Variants in RARB observed in about 807,000 individuals in gnomAD.
The protein encoded by RARB is retinoic acid receptor beta.
RARB carries 17 observed loss-of-function variants against 51.9 expected under a neutral mutation model. The ratio of observed to expected loss-of-function variants is 0.33; its 90% CI spans 0.22 to 0.49. RARB has a LOEUF of 0.49. RARB is among the 20% of genes least tolerant of loss of function. The probability of loss-of-function intolerance (pLI) is 0.99; values close to 1 mark genes in which losing one functional copy is unlikely to be tolerated. For synonymous variants in RARB, 215 were observed against 195.4 expected (o/e 1.10, Z -0.84); for missense variants, 369 against 550.8 (o/e 0.67, Z 3.30).
chr3:25,034,708 T>TA (rs1460652927), intron 2 of RARB, among the ~76,000 whole-genome samples: 3 of 152,044 alleles, frequency 2.0e-5, no homozygotes, highest in African/African-American at 7.2e-5. Flanking sequence ...CAAACATCAG[T>TA]AAAAAACACA....
rs549198029 is a variant in RARB at position 25,039,100 on chromosome 3, TC to T, written c.-379-21023del. On this transcript the variant is annotated intron_variant, in intron 2 of 11. Coordinates refer to the RARB transcript ENST00000383772. ...TCCCAGCTTCTGTTTCACTTCTCTT[TC>T]CACTTGTCTGTACAGGCTTGACAAA... is the stretch of plus-strand genomic sequence containing the variant. Among the ~76,000 whole-genome samples the T allele has an allele frequency of 2.1e-3, 313 of 152,322 alleles. 3 individuals carry two copies. The highest frequency in any genetic ancestry group is 5.0e-3 in the Admixed American group (76 of 15,292).
intron 2 of RARB, among the ~76,000 whole-genome samples, chr3:24,995,370 G>A (rs1344148691): frequency 6.6e-6 from 1 of 151,410 alleles, no homozygotes; most frequent in Non-Finnish European, 1.5e-5. Flanking sequence ...AGAGTTTTTG[G>A]TAGAGTCTTT....
intron 5 of RARB, among the ~76,000 whole-genome samples, chr3:25,234,477 T>C (rs1702256575): frequency 6.6e-6 from 1 of 152,186 alleles, no homozygotes; most frequent in African/African-American, 2.4e-5. Context: ...TGTGTTTTAT[T>C]TTTCTCTATA....
intron 5 of RARB, among the ~76,000 whole-genome samples, chr3:25,331,150 G>C (rs532675751): frequency 6.6e-6 from 1 of 152,162 alleles, no homozygotes; most frequent in Non-Finnish European, 1.5e-5. Flanking sequence ...TCCAGGAATT[G>C]AATTCAGCTC....
At chr3:25,005,287 G>T (rs1036739875) in intron 2 of RARB, among the ~76,000 whole-genome samples, 15 of 152,088 alleles carry the variant, frequency 9.9e-5, no homozygotes, top group African/African-American at 3.4e-4. Context: ...AATACGTAGT[G>T]CTCTAAAACA....
chr3:25,096,251 G>C (rs540527814), intron 3 of RARB, among the ~76,000 whole-genome samples: 1 of 152,140 alleles, frequency 6.6e-6, no homozygotes, highest in African/African-American at 2.4e-5. Context: ...GTTTGTGAAA[G>C]AATTAAGATT....
chr3:25,467,864 T>A (rs1695507140), intron 2 of RARB, among the ~76,000 whole-genome samples: 1 of 152,194 alleles, frequency 6.6e-6, no homozygotes, highest in African/African-American at 2.4e-5. Context: ...GATACAACAG[T>A]GAACATGACA....
chr3:24,980,025 T>C (rs1020846180), intron 2 of RARB, among the ~76,000 whole-genome samples: 18 of 152,224 alleles, frequency 1.2e-4, no homozygotes, highest in African/African-American at 3.6e-4. Context: ...CCTTCACTTA[T>C]GAAGCTTAGT....
chr3:25,171,613 A>C (rs1700646892), intron 4 of RARB, among the ~76,000 whole-genome samples: 1 of 114,276 alleles, frequency 8.8e-6, no homozygotes, highest in African/African-American at 3.3e-5. Context: ...GGGTGGAATA[A>C]TGGTTTTTTC....
In RARB at chr3:25,135,394, AC is replaced by A. The variant is rs985433676; in HGVS notation, c.-280+3190del. Among the ~76,000 whole-genome samples, 5 of 152,046 alleles carry A rather than the reference AC, an allele frequency of 3.3e-5. No homozygotes were observed. The East Asian group carries it at 9.6e-4, about 29-fold the overall frequency. The stretch of plus-strand genomic sequence containing the variant: ...TATTTCCTTGGGAATTATAGAAATA[AC>A]CCCATTTACCTGGATATCTGATATT... On this transcript the variant is annotated intron_variant, in intron 4 of 11. Coordinates refer to the RARB transcript ENST00000383772.
chr3:25,473,321 A>G (rs1575437770), intron 2 of RARB, among the ~76,000 whole-genome samples: 1 of 150,806 alleles, frequency 6.6e-6, no homozygotes, highest in Non-Finnish European at 1.5e-5. Flanking sequence ...AAAAAAATAG[A>G]GGGAAATAAA....
chr3:25,238,986 A>G (rs188812031), intron 5 of RARB, among the ~76,000 whole-genome samples: 9 of 152,286 alleles, frequency 5.9e-5, no homozygotes, highest in Admixed American at 5.9e-4. Context: ...CTCAAAAAGT[A>G]ACAATAGCCA....
At chr3:25,070,558 G>A (rs1698747236) in intron 3 of RARB, among the ~76,000 whole-genome samples, 1 of 152,072 alleles carries the variant, frequency 6.6e-6, no homozygotes, top group Non-Finnish European at 1.5e-5. Flanking sequence ...TACAGAAATA[G>A]AAAATTATAG....
chr3:25,073,674 A>C (rs763236859), intron 3 of RARB, among the ~76,000 whole-genome samples: 3 of 152,230 alleles, frequency 2.0e-5, no homozygotes, highest in African/African-American at 2.4e-5. Flanking sequence ...GCAGTAAATA[A>C]TGTGCGTGTA....
At chr3:25,334,589 T>G (rs1705006433) in intron 5 of RARB, among the ~76,000 whole-genome samples, 1 of 152,088 alleles carries the variant, frequency 6.6e-6, no homozygotes. Flanking sequence ...AATGACAAGT[T>G]ATTGGATGCA....
chr3:24,880,561 A>G (rs1018350049), intron 2 of RARB, among the ~76,000 whole-genome samples: 7 of 152,090 alleles, frequency 4.6e-5, no homozygotes, highest in African/African-American at 1.7e-4. Context: ...AGAAAAGTAG[A>G]CCCATGGTTC....
chr3:25,259,968 C>A, intron 5 of RARB: 1 of 985,318 alleles, frequency 1.0e-6, no homozygotes, highest in Non-Finnish European at 1.2e-6. Context: ...CAGTGTGGAG[C>A]CAACTTCTCA....
intron 3 of RARB, among the ~76,000 whole-genome samples, chr3:25,551,314 A>G (rs1473051146): frequency 6.6e-6 from 1 of 152,184 alleles, no homozygotes; most frequent in Non-Finnish European, 1.5e-5. Flanking sequence ...ATTGTCATAT[A>G]TGGTATTTTC....
At chr3:25,418,944 CAA>C (rs36025962) in intron 5 of RARB, among the ~76,000 whole-genome samples, 14 of 108,562 alleles carry the variant, frequency 1.3e-4, no homozygotes, top group Non-Finnish European at 9.8e-5. Context: ...ACAGACTAAC[CAA>C]AAAAAAAAAA....
Sources: gnomAD v4.1 joint callset for allele counts (sites outside exome capture counted in the v4.1 genomes callset) on GRCh38, gnomAD v4.1.1 for gene constraint, MANE v1.5 for transcripts, NCBI Gene and HGNC (gene_info 2026-07-23, HGNC 2026-07-21) for gene names.